Variants in PNLDC1 observed in about 807,000 individuals in gnomAD.
PNLDC1 encodes poly(A)-specific ribonuclease PNLDC1.
Under a neutral mutation model 82.0 loss-of-function variants are expected in PNLDC1, and 70 were observed. The ratio of observed to expected loss-of-function variants is 0.85; its 90% CI spans 0.70 to 1.04. The LOEUF (loss-of-function observed/expected upper bound fraction) is 1.04, where lower values mean the gene tolerates loss of function less well. Among genes scored for constraint, PNLDC1 ranks in the 50% least tolerant of loss-of-function variants. The pLI is 0.00. For missense variants in PNLDC1, 631 were observed against 661.1 expected (o/e 0.95, Z 0.50); for synonymous variants, 280 against 249.3 (o/e 1.12, Z -1.16).
At chr6:159,817,662 T>C (rs1447517139) in intron 15 of PNLDC1, among the ~76,000 whole-genome samples, 2 of 152,228 alleles carry the variant, frequency 1.3e-5, no homozygotes, top group African/African-American at 4.8e-5. Flanking sequence ...CCTGCAGCCC[T>C]GGGCACGTAG....
chr6:159,810,755 TAATA>T (rs1434836013), intron 10 of PNLDC1, among the ~76,000 whole-genome samples: 1 of 152,192 alleles, frequency 6.6e-6, no homozygotes, highest in Non-Finnish European at 1.5e-5. Flanking sequence ...TTAAATGAAT[TAATA>T]AACGTACAAA....
upstream of PNLDC1, among the ~76,000 whole-genome samples, chr6:159,800,018 G>A (rs532775197): frequency 2.6e-5 from 4 of 152,304 alleles, no homozygotes; most frequent in African/African-American, 9.6e-5. Context: ...CTAAGTCCAT[G>A]TAAATGACAT....
At chr6:159,810,412 A>G (rs927022586) in intron 10 of PNLDC1, among the ~76,000 whole-genome samples, 1 of 152,200 alleles carries the variant, frequency 6.6e-6, no homozygotes, top group African/African-American at 2.4e-5. Context: ...AGTCACCTTT[A>G]ATCAGCTAGT....
Position 159,800,396 on chromosome 6 carries a change from G to C in PNLDC1, c.76+13G>C. The C allele has an allele frequency of 6.5e-7, 1 of 1,547,310 alleles. No individual in the cohort carries two copies. The highest frequency in any genetic ancestry group is 8.7e-7 in the Non-Finnish European group (1 of 1,145,876). ...GCCGACTTCGTGGGTGAAGAGCCTG[G>C]GATTCGCGGCTGTGCCGGACAGAGC... On this transcript the variant is annotated intron_variant, in intron 1 of 18. Transcript: ENST00000392167.
intron 18 of PNLDC1, 25 bp from the exon 19 acceptor site, chr6:159,820,429 A>T: frequency 6.2e-7 from 1 of 1,613,732 alleles, no homozygotes; most frequent in East Asian, 2.2e-5. Context: ...TGCCCCGGCC[A>T]CTGACACGTG....
chr6:159,816,188 T>C (rs1385349214), intron 13 of PNLDC1, among the ~76,000 whole-genome samples, 155 bp downstream of exon 13: 186 of 35,382 alleles, frequency 5.3e-3, no homozygotes, highest in Non-Finnish European at 6.0e-3. Context: ...CCCCCACCTC[T>C]CCCCCTGCCC....
rs552556794 is a variant in PNLDC1, at chr6:159,816,701, C to G, written c.1114+105C>G. 8.9e-6 allele frequency: 9 copies of G among 1,016,556 alleles called. No homozygotes were observed. The African/African-American group carries it at 1.3e-4, about 14-fold the overall frequency. 63.0% of individuals were successfully genotyped at this position (1,016,556 alleles called of 1,614,324 possible). On this transcript the variant is annotated intron_variant, in intron 14 of 18. Coordinates refer to ENST00000392167, the MANE Select transcript of PNLDC1 (RefSeq NM_001271862.2). ...GGCTAGAGTACAGTGGTGAGGATCT[C>G]GGCTCACTGCAGCCTCTACCTCCTG...
chr6:159,801,717 A>G (rs1299220931), intron 3 of PNLDC1, among the ~76,000 whole-genome samples: 1 of 151,864 alleles, frequency 6.6e-6, no homozygotes, highest in East Asian at 1.9e-4. Flanking sequence ...AAGTGATGGA[A>G]TTATAAGCGT....
intron 14 of PNLDC1, among the ~76,000 whole-genome samples, 162 bp downstream of exon 14, chr6:159,816,758 G>C (rs538503449): frequency 6.6e-6 from 1 of 151,560 alleles, no homozygotes; most frequent in African/African-American, 2.4e-5. Context: ...TCAGCTTCCC[G>C]AGTAGCTGGG....
At chr6:159,800,684 G>A (rs773419091) in intron 1 of PNLDC1, 88 bp from the exon 2 acceptor site, 5 of 1,613,876 alleles carry the variant, frequency 3.1e-6, no homozygotes, top group African/African-American at 1.3e-5. Context: ...GGTGAGCGCG[G>A]GTGCCTTGGC....
At chr6:159,820,129 T>A (rs1781988666) in intron 18 of PNLDC1, among the ~76,000 whole-genome samples, 1 of 151,946 alleles carries the variant, frequency 6.6e-6, no homozygotes, top group South Asian at 2.1e-4. Flanking sequence ...AGGGTTTGAG[T>A]CCTGAACAGC....
At chr6:159,803,380 C>A in intron 4 of PNLDC1, 70 bp downstream of exon 4, 2 of 1,451,058 alleles carry the variant, frequency 1.4e-6, no homozygotes, top group Non-Finnish European at 1.9e-6. Flanking sequence ...CCTTCAAATT[C>A]TGCCTCAGGT....
chr6:159,816,393 C>T (rs1257012087), intron 13 of PNLDC1, 150 bp from the exon 14 acceptor site: 1 of 757,354 alleles, frequency 1.3e-6, no homozygotes, highest in African/African-American at 1.7e-5. Flanking sequence ...GTGGGGAGGA[C>T]CAAGGTGAAG....
chr6:159,809,020 A>T lies in PNLDC1; in HGVS notation c.645A>T (p.Val215=). The change falls in exon 9 of 19, where the codon GTA becomes GTT. Residue 215 remains valine (V), a synonymous_variant. Transcript: ENST00000392167. ...IWTVLKDEGV[V]VKKVSKQHRW... Reference sequence around the variant, plus strand: ...AATTTGTCCCTGCTTTTCAGGTGGTAGTGAAGAAAGTGAGTAAACAACATC... The same window carrying T: ...AATTTGTCCCTGCTTTTCAGGTGGTTGTGAAGAAAGTGAGTAAACAACATC... 6.2e-7 allele frequency: 1 copy of T among 1,612,654 alleles called. No individual in the cohort carries two copies.
intron 15 of PNLDC1, among the ~76,000 whole-genome samples, chr6:159,818,350 T>C (rs11962607): frequency 0.3 from 46,015 of 152,084 alleles, 7,212 homozygotes; most frequent in Middle Eastern, 0.39. Context: ...CTGGAAGCTC[T>C]TCTTCTATGT....
chr6:159,813,931 C>T (rs926991999), intron 12 of PNLDC1, among the ~76,000 whole-genome samples: 2 of 152,214 alleles, frequency 1.3e-5, no homozygotes, highest in African/African-American at 4.8e-5. Flanking sequence ...TGTCTCGCCC[C>T]TGTCACCAGC....
rs751974943 is a variant in PNLDC1 at position 159,808,809 on chromosome 6, A to T, written c.632A>T (p.Asp211Val). Residue 211 changes from aspartate (D) to valine (V), a missense_variant, in exon 8 of 19, where the codon GAT (aspartate) becomes GTT (valine). Transcript: ENST00000392167. Reference protein sequence around the residue: ...ALPNIWTVLKDEGVVVKKVSK... With the variant: ...ALPNIWTVLKVEGVVVKKVSK... Reference sequence around the variant, plus strand: ...CCCAACATCTGGACGGTGCTGAAAGATGAGGGGGTGAGTTCTCACTGCGAA... The same window carrying T: ...CCCAACATCTGGACGGTGCTGAAAGTTGAGGGGGTGAGTTCTCACTGCGAA... 2 of 1,614,114 alleles carry T rather than the reference A, an allele frequency of 1.2e-6. No individual in the cohort carries two copies. Among genetic ancestry groups the T allele is most frequent in the Non-Finnish European group, 1.7e-6 (2 of 1,179,998 alleles).
At position 159,817,089 on chromosome 6, in the gene PNLDC1, C is replaced by A. The variant is rs1324383359; in HGVS notation, c.1115-20C>A. The A allele has an allele frequency of 6.2e-7, 1 of 1,605,974 alleles. No individual in the cohort carries two copies. The highest frequency in any genetic ancestry group is 8.5e-7 in the Non-Finnish European group (1 of 1,173,048). Reference sequence around the variant, plus strand: ...CATTTTGATAAGCTCTATTGCATTTCTGTCTTTTTTCCTTCCTAGTTCTTT... The same window carrying A: ...CATTTTGATAAGCTCTATTGCATTTATGTCTTTTTTCCTTCCTAGTTCTTT... On this transcript the variant is annotated intron_variant, in intron 14 of 18. Transcript: ENST00000392167.
chr6:159,808,214 G>A (rs1781517335), intron 7 of PNLDC1, among the ~76,000 whole-genome samples: 1 of 152,196 alleles, frequency 6.6e-6, no homozygotes, highest in Admixed American at 6.5e-5. Context: ...GCGCCCAGCC[G>A]TGAGGCTGGA....
Sources: gnomAD v4.1 joint callset for allele counts (sites outside exome capture counted in the v4.1 genomes callset) on GRCh38, gnomAD v4.1.1 for gene constraint, MANE v1.5 for transcripts, NCBI Gene and HGNC (gene_info 2026-07-23, HGNC 2026-07-21) for gene names.